Variants in ARHGAP44 observed in about 807,000 individuals in gnomAD.
ARHGAP44 encodes Rho GTPase activating protein 44.
In ARHGAP44, 43 loss-of-function variants were observed where a neutral mutation model predicts 106.8. The observed-to-expected ratio is 0.40, with a 90% CI of 0.32 to 0.52. The LOEUF (loss-of-function observed/expected upper bound fraction) is 0.52. ARHGAP44 is among the 20% of genes least tolerant of loss of function. ARHGAP44 has a pLI of 0.48. For synonymous variants in ARHGAP44, 439 were observed against 410.3 expected, an observed-to-expected ratio of 1.07 and a Z score of -0.85; for missense variants, 866 against 1,050.5, an observed-to-expected ratio of 0.82 and a Z score of 2.43.
intron 3 of ARHGAP44, among the ~76,000 whole-genome samples, chr17:12,900,718 TCA>T (rs1328582814): frequency 1.3e-5 from 2 of 152,090 alleles, no homozygotes; most frequent in Non-Finnish European, 2.9e-5. Context: ...AGCATCATAC[TCA>T]CAGTGCATTC....
intron 2 of ARHGAP44, among the ~76,000 whole-genome samples, chr17:12,895,249 G>GT (rs1222697612): frequency 1.3e-5 from 2 of 152,164 alleles, no homozygotes; most frequent in Non-Finnish European, 2.9e-5. Context: ...TAGGAGAGAA[G>GT]TTTTTTTGTC....
intron 18 of ARHGAP44, among the ~76,000 whole-genome samples, chr17:12,975,760 T>C (rs931702604): frequency 2.4e-5 from 3 of 127,564 alleles, no homozygotes; most frequent in Non-Finnish European, 3.1e-5. Flanking sequence ...ATCGCGCCAC[T>C]GCACTCCAGC....
At chr17:12,907,409 A>T (rs2037587042) in intron 3 of ARHGAP44, among the ~76,000 whole-genome samples, 1 of 152,158 alleles carries the variant, frequency 6.6e-6, no homozygotes, top group African/African-American at 2.4e-5. Context: ...TACCACCATT[A>T]TCTAGTTCCA....
rs141958490 is a variant in ARHGAP44, at chr17:12,855,887, G to A, written c.54-39053G>A. Among the ~76,000 whole-genome samples, 36 of 152,292 alleles carry A rather than the reference G, an allele frequency of 2.4e-4. No individual in the cohort carries two copies. In the East Asian group the frequency reaches 5.0e-3, roughly 21 times the overall value. On this transcript the variant is annotated intron_variant, in intron 1 of 20. Coordinates refer to ENST00000379672, the MANE Select transcript of ARHGAP44 (RefSeq NM_014859.6). ...GATATAAGGCTTTGAAATGCGTTGGGCAGGGTGTCTGGATAAAAAAGTCAT... is the reference window on the plus strand; with the variant it reads ...GATATAAGGCTTTGAAATGCGTTGGACAGGGTGTCTGGATAAAAAAGTCAT...
chr17:12,880,744 A>G (rs1427360225), intron 1 of ARHGAP44, among the ~76,000 whole-genome samples: 1 of 152,058 alleles, frequency 6.6e-6, no homozygotes, highest in Non-Finnish European at 1.5e-5. Flanking sequence ...AGTGTGCATC[A>G]CATGTAGAGG....
chr17:12,973,955 G>A, intron 17 of ARHGAP44, 134 bp from the exon 18 acceptor site: 2 of 964,516 alleles, frequency 2.1e-6, no homozygotes, highest in Non-Finnish European at 3.2e-6. Flanking sequence ...CCAATGCATC[G>A]CTTCCCGGGC....
intron 1 of ARHGAP44, among the ~76,000 whole-genome samples, chr17:12,854,860 A>T (rs2035860285): frequency 6.7e-6 from 1 of 150,270 alleles, no homozygotes; most frequent in Non-Finnish European, 1.5e-5. Context: ...TGGGAGGCCG[A>T]GGCCGCAGAA....
At chr17:12,943,060 ATTTAT>A (rs1450610572) in intron 8 of ARHGAP44, among the ~76,000 whole-genome samples, 1 of 152,140 alleles carries the variant, frequency 6.6e-6, no homozygotes, top group Non-Finnish European at 1.5e-5. Context: ...TATTTTTCAT[ATTTAT>A]TTCAACAAAT....
intron 3 of ARHGAP44, among the ~76,000 whole-genome samples, chr17:12,903,865 C>G (rs2037468940): frequency 6.6e-6 from 1 of 152,122 alleles, no homozygotes; most frequent in African/African-American, 2.4e-5. Flanking sequence ...AGAGAGCAAA[C>G]AGTATCTTAG....
At chr17:12,796,537 A>G (rs1166200092) in intron 1 of ARHGAP44, among the ~76,000 whole-genome samples, 2 of 152,104 alleles carry the variant, frequency 1.3e-5, no homozygotes, top group Non-Finnish European at 2.9e-5. Flanking sequence ...TGCTGGGATT[A>G]CAGGTGTGCA....
At chr17:12,801,849 C>T (rs1368026873) in intron 1 of ARHGAP44, among the ~76,000 whole-genome samples, 1 of 151,536 alleles carries the variant, frequency 6.6e-6, no homozygotes, top group East Asian at 1.9e-4. Context: ...TTTTTTTTAA[C>T]TTCCAAATTT....
intron 1 of ARHGAP44, among the ~76,000 whole-genome samples, chr17:12,875,485 G>A (rs147734850): frequency 6.7e-4 from 102 of 152,006 alleles, no homozygotes; most frequent in African/African-American, 2.1e-3. Context: ...TCCCCAGCTC[G>A]GGAGGCTGAG....
At chr17:12,795,139 C>G (rs1755832778) in intron 1 of ARHGAP44, among the ~76,000 whole-genome samples, 1 of 152,204 alleles carries the variant, frequency 6.6e-6, no homozygotes, top group African/African-American at 2.4e-5. Context: ...GCTGGGCGGA[C>G]CCAAACTCGT....
intron 1 of ARHGAP44, among the ~76,000 whole-genome samples, chr17:12,878,516 C>T (rs149071525): frequency 1.3e-5 from 2 of 152,150 alleles, no homozygotes; most frequent in Admixed American, 1.3e-4. Context: ...ATGACTCATC[C>T]CTTGAAAATG....
At chr17:12,920,035 A>T (rs1218193864) in intron 6 of ARHGAP44, among the ~76,000 whole-genome samples, 1 of 152,144 alleles carries the variant, frequency 6.6e-6, no homozygotes. Flanking sequence ...TTTTGGAGGT[A>T]GACACTAGGC....
At chr17:12,853,854 C>G (rs1280145949) in intron 1 of ARHGAP44, among the ~76,000 whole-genome samples, 1 of 152,192 alleles carries the variant, frequency 6.6e-6, no homozygotes, top group African/African-American at 2.4e-5. Flanking sequence ...CCTTCCTTTT[C>G]CCTTCTTCCT....
chr17:12,908,187 A>ATT (rs2037616720), intron 3 of ARHGAP44, among the ~76,000 whole-genome samples: 1 of 109,900 alleles, frequency 9.1e-6, no homozygotes, highest in Non-Finnish European at 1.8e-5. Flanking sequence ...TAGCTGCCTC[A>ATT]TTTCTTTTTT....
In ARHGAP44 at chr17:12,984,897, G is replaced by A. The variant is rs745972670; in HGVS notation, c.2306G>A (p.Ser769Asn). The change falls in exon 20 of 21, where the codon AGC (serine) becomes AAC (asparagine). Residue 769 changes from serine (S) to asparagine (N), a missense_variant. Coordinates refer to ENST00000379672, the MANE Select transcript of ARHGAP44 (RefSeq NM_014859.6). Reference protein sequence around the residue: ...PMLDGMSPGESMSTDLVHFDI... With the variant: ...PMLDGMSPGENMSTDLVHFDI... Reference sequence around the variant, plus strand: ...CTAGATGGCATGTCCCCTGGGGAAAGCATGTCTACAGGTAACCAAGCCACA... The same window carrying A: ...CTAGATGGCATGTCCCCTGGGGAAAACATGTCTACAGGTAACCAAGCCACA... 6.2e-6 allele frequency: 10 copies of A among 1,608,314 alleles called. No homozygotes were observed. The highest frequency in any genetic ancestry group is 8.5e-6 in the Non-Finnish European group (10 of 1,175,716).
At chr17:12,816,391 C>A (rs957367951) in intron 1 of ARHGAP44, among the ~76,000 whole-genome samples, 1 of 151,908 alleles carries the variant, frequency 6.6e-6, no homozygotes, top group African/African-American at 2.4e-5. Flanking sequence ...TCAGTGGACA[C>A]TTAAATTAAT....
Sources: allele counts gnomAD v4.1 joint callset (sites outside exome capture counted in the v4.1 genomes callset), GRCh38; gene constraint gnomAD v4.1.1; transcripts MANE v1.5; gene names NCBI Gene and HGNC (gene_info 2026-07-23, HGNC 2026-07-21).